NAV1: variants seen among roughly 807,000 people sequenced by gnomAD.
NAV1 encodes neuron navigator 1, also known as pore membrane and/or filament interacting like protein 3.
Under a neutral mutation model 175.2 loss-of-function variants are expected in NAV1, and 18 were observed. The observed-to-expected ratio is 0.10, with a 90% CI of 0.07 to 0.15. The LOEUF (loss-of-function observed/expected upper bound fraction) is 0.15. NAV1 is among the 10% of genes least tolerant of loss of function. The pLI, the probability that NAV1 is intolerant of heterozygous loss-of-function variation, is 1.00. For synonymous variants in NAV1, 897 were observed against 978.7 expected (o/e 0.92, Z 1.56); for missense variants, 1,731 against 2,436.6 (o/e 0.71, Z 6.10).
intron 1 of NAV1, among the ~76,000 whole-genome samples, chr1:201,689,638 G>A (rs1179811254): frequency 6.6e-6 from 1 of 152,170 alleles, no homozygotes; most frequent in Non-Finnish European, 1.5e-5. Flanking sequence ...TGGTACATAA[G>A]CCCTGACTCT....
At chr1:201,602,402 C>T (rs763019467) in intron 2 of NAV1, among the ~76,000 whole-genome samples, 6 of 152,068 alleles carry the variant, frequency 3.9e-5, no homozygotes, top group Non-Finnish European at 7.4e-5. Context: ...AGTACAGTGG[C>T]GCGGTCTCGG....
At chr1:201,656,383 T>G (rs34771275) in intron 1 of NAV1, among the ~76,000 whole-genome samples, 7 of 152,340 alleles carry the variant, frequency 4.6e-5, no homozygotes, top group Admixed American at 4.6e-4. Flanking sequence ...TTGGTTCTTA[T>G]GGAATCTCAG....
Position 201,809,122 on chromosome 1 carries a change from C to G in NAV1, c.4208-42C>G, listed in dbSNP as rs754102012. 23 of 1,570,646 alleles carry G rather than the reference C, an allele frequency of 1.5e-5. No homozygotes were observed. In the South Asian group the frequency reaches 2.4e-4, roughly 17 times the overall value. ...TGATGGGAAAGTTTAGGAAAGGCTG[C>G]GGGTACTCCTAAAACCAGTTGGTTC... is the stretch of plus-strand genomic sequence containing the variant. On this transcript the variant is annotated intron_variant, in intron 20 of 29. Transcript: ENST00000367296.
At chr1:201,783,951 T>A in intron 7 of NAV1, 99 bp downstream of exon 11, 1 of 1,130,086 alleles carries the variant, frequency 8.8e-7, no homozygotes, top group Non-Finnish European at 1.2e-6. Context: ...ATTTTGTGAC[T>A]TTTGACATTT....
rs114992921 is a variant in NAV1, at chr1:201,755,754, A to G, written c.1227-24667A>G. Among the ~76,000 whole-genome samples, 452 of 152,324 alleles carry G rather than the reference A, an allele frequency of 3.0e-3. 5 individuals carry two copies. Among genetic ancestry groups the G allele is most frequent in the African/African-American group, 0.011 (437 of 41,564 alleles). On this transcript the variant is annotated intron_variant, in intron 3 of 29. Transcript: ENST00000367296. ...GACCTGGAAGGTGAAAGTCATTAAA[A>G]TAAACCTCCTCCTTATGCCTGGCGT... is the stretch of plus-strand genomic sequence containing the variant.
intron 3 of NAV1, among the ~76,000 whole-genome samples, chr1:201,734,449 AGAG>A (rs144699398): frequency 0.26 from 35,108 of 136,622 alleles, 5,146 homozygotes; most frequent in Non-Finnish European, 0.34. Context: ...AAGAAGAAGA[AGAG>A]GAGGAGGAGG....
chr1:201,713,000 C>T, intron 2 of NAV1, 81 bp downstream of exon 6: 4 of 1,002,806 alleles, frequency 4.0e-6, no homozygotes, highest in South Asian at 1.3e-5. Flanking sequence ...GCCCCCGGGT[C>T]CCTCCACACC....
At chr1:201,652,728 T>G (rs1288687267) in intron 1 of NAV1, among the ~76,000 whole-genome samples, 1 of 138,700 alleles carries the variant, frequency 7.2e-6, no homozygotes, top group African/African-American at 2.7e-5. Flanking sequence ...GGGTGTAGAT[T>G]AAGGTGATCA....
chr1:201,729,596 G>A (rs1262811025), intron 3 of NAV1, among the ~76,000 whole-genome samples: 7 of 151,028 alleles, frequency 4.6e-5, no homozygotes, highest in South Asian at 4.2e-4. Context: ...AGCAGAGATC[G>A]GACTCCATCT....
At chr1:201,733,292 A>C (rs1672948350) in intron 3 of NAV1, 1 of 151,956 alleles carries the variant, frequency 6.6e-6, no homozygotes, top group African/African-American at 2.4e-5. Context: ...AGGCAGGAGA[A>C]TGGCATGAAC....
At chr1:201,652,025 G>A (rs190946397) in intron 1 of NAV1, among the ~76,000 whole-genome samples, 1 of 152,184 alleles carries the variant, frequency 6.6e-6, no homozygotes, top group African/African-American at 2.4e-5. Context: ...AACTACAGAG[G>A]GAATTCGTCT....
At chr1:201,585,096 ATCT>A (rs1666985343) in intron 1 of NAV1, among the ~76,000 whole-genome samples, 1 of 151,154 alleles carries the variant, frequency 6.6e-6, no homozygotes, top group African/African-American at 2.4e-5. Flanking sequence ...CAGGGGCCTG[ATCT>A]TCTCCCCAGT....
In NAV1 at chr1:201,624,306, C is replaced by A. The variant is rs986101885; in HGVS notation, c.-101+700C>A. Among the ~76,000 whole-genome samples the A allele has an allele frequency of 1.8e-4, 26 of 144,552 alleles. No homozygotes were observed. In the Admixed American group the frequency reaches 1.8e-3, roughly 10 times the overall value. The allele number at this position is 144,552 out of a possible 152,430, so 94.8% of individuals were successfully genotyped here. On this transcript the variant is annotated intron_variant, in intron 1 of 29. Coordinates refer to the NAV1 transcript ENST00000367302. ...TTTTTCAGACACTGCAAGTTGATTG[C>A]ATAGAAAAACAAACGCTTAGTCAAC...
At chr1:201,763,760 TCTC>T (rs2102642842) in intron 3 of NAV1, among the ~76,000 whole-genome samples, 1 of 152,312 alleles carries the variant, frequency 6.6e-6, no homozygotes, top group East Asian at 1.9e-4. Flanking sequence ...CTTCTCTGTC[TCTC>T]CTCTACTACC....
intron 1 of NAV1, among the ~76,000 whole-genome samples, chr1:201,554,214 AG>A (rs1665948191): frequency 6.6e-6 from 1 of 152,226 alleles, no homozygotes; most frequent in Non-Finnish European, 1.5e-5. Context: ...GTTGACAGAC[AG>A]GGGTGTCTGG....
In NAV1 at chr1:201,740,580, AGGT is replaced by A. The variant is rs1432004065; in HGVS notation, c.1226+21831_1226+21833del. Among the ~76,000 whole-genome samples, 1 of 151,136 alleles carries A rather than the reference AGGT, an allele frequency of 6.6e-6. No homozygotes were observed. The highest frequency in any genetic ancestry group is 1.5e-5 in the Non-Finnish European group (1 of 67,798). On this transcript the variant is annotated intron_variant, in intron 3 of 29. Coordinates refer to ENST00000367296, the Ensembl canonical transcript of NAV1. This position sits in a 1 kb window ranked among gnomAD's most constrained non-coding sequence, Gnocchi z 4.7. ...CCGGGGGTCGTCCTGGGGTGAAAGG[AGGT>A]GGTGGGAGGCGGAAGGATGAAACGG...
chr1:201,749,045 G>C (rs1673941829), intron 3 of NAV1, among the ~76,000 whole-genome samples: 1 of 152,088 alleles, frequency 6.6e-6, no homozygotes, highest in Non-Finnish European at 1.5e-5. Flanking sequence ...CTACTCGGGA[G>C]GCTGAGGCAG....
At chr1:201,732,821 A>G (rs1174843371) in intron 3 of NAV1, among the ~76,000 whole-genome samples, 1 of 152,212 alleles carries the variant, frequency 6.6e-6, no homozygotes, top group Non-Finnish European at 1.5e-5. Context: ...CTGTAATCCC[A>G]GCACTTTGGG....
exon 1 of NAV1, chr1:201,648,499 T>A (rs1669059748): frequency 8.1e-7 from 1 of 1,227,444 alleles, no homozygotes; most frequent in Non-Finnish European, 1.0e-6. Flanking sequence ...GGCTTGCCTC[T>A]CTCCCTCCTC....
Sources: allele counts gnomAD v4.1 joint callset (sites outside exome capture counted in the v4.1 genomes callset), GRCh38; gene constraint gnomAD v4.1.1; non-coding constraint Gnocchi (gnomAD v3.1); transcripts MANE v1.5; gene names NCBI Gene and HGNC (gene_info 2026-07-23, HGNC 2026-07-21).